The following TECTA variants were observed in gnomAD, a reference collection of about 807,000 sequenced individuals.
TECTA encodes the protein alpha-tectorin.
Under a neutral mutation model 216.8 loss-of-function variants are expected in TECTA, and 128 were observed. That is an observed-to-expected ratio of 0.59 (90% CI 0.51 to 0.68). The LOEUF (loss-of-function observed/expected upper bound fraction) is 0.68. TECTA is among the 30% of genes least tolerant of loss of function. TECTA has a pLI of 0.00. For missense variants in TECTA, 2,551 were observed against 2,786.2 expected, an observed-to-expected ratio of 0.92 and a Z score of 1.90; for synonymous variants, 1,089 against 1,117.1, an observed-to-expected ratio of 0.97 and a Z score of 0.50.
At chr11:121,181,394 A>T (rs921724877) in intron 20 of TECTA, among the ~76,000 whole-genome samples, 1 of 151,574 alleles carries the variant, frequency 6.6e-6, no homozygotes, top group African/African-American at 2.4e-5. Flanking sequence ...CATTATATTG[A>T]ATTCTTTCTC....
chr11:121,134,284 T>G (rs1482793999), intron 10 of TECTA, among the ~76,000 whole-genome samples: 1 of 150,192 alleles, frequency 6.7e-6, no homozygotes, highest in Admixed American at 6.6e-5. Context: ...ATCTTTGCTT[T>G]GCCTCTAGGT....
Position 121,129,961 on chromosome 11 carries a change from CAAT to C in TECTA, c.2692_2694del (p.Asn898del). On this transcript the variant is annotated inframe_deletion, in exon 10 of 24. Transcript: ENST00000392793. ...GTGGGGACCTGCTGAAGGCCTGCAA[CAAT>C]GACTCGGAGCTGCTCAAGTTTTATC... is the stretch of plus-strand genomic sequence containing the variant. The C allele has an allele frequency of 6.2e-7, 1 of 1,606,514 alleles. No homozygotes were observed. Among genetic ancestry groups the C allele is most frequent in the Non-Finnish European group, 8.5e-7 (1 of 1,175,032 alleles).
intron 18 of TECTA, among the ~76,000 whole-genome samples, chr11:121,167,393 C>T (rs531486324): frequency 2.1e-4 from 32 of 152,284 alleles, no homozygotes; most frequent in African/African-American, 6.3e-4. Context: ...GAATGTACCA[C>T]GGCACTCCAT....
chr11:121,123,618 G>A (rs1422723326), intron 7 of TECTA, among the ~76,000 whole-genome samples: 3 of 152,200 alleles, frequency 2.0e-5, no homozygotes, highest in Admixed American at 2.0e-4. Flanking sequence ...GGCTCTCCCT[G>A]CAGAATAGAA....
chr11:121,174,340 C>T (rs1422201863), intron 20 of TECTA, among the ~76,000 whole-genome samples: 1 of 151,188 alleles, frequency 6.6e-6, no homozygotes, highest in Non-Finnish European at 1.5e-5. Flanking sequence ...TCATAGATAG[C>T]TCTTATTATT....
chr11:121,147,086 G>C (rs4936585), intron 12 of TECTA, among the ~76,000 whole-genome samples: 1 of 151,794 alleles, frequency 6.6e-6, no homozygotes, highest in Admixed American at 6.6e-5. Flanking sequence ...TTGTGGGGGT[G>C]GGGGGGAAAC....
At chr11:121,160,634 A>G (rs1946989793) in intron 15 of TECTA, among the ~76,000 whole-genome samples, 1 of 152,194 alleles carries the variant, frequency 6.6e-6, no homozygotes, top group Non-Finnish European at 1.5e-5. Flanking sequence ...GGCTTAGATG[A>G]TATAACTCTA....
intron 12 of TECTA, among the ~76,000 whole-genome samples, chr11:121,149,672 C>G (rs1306746805): frequency 2.0e-5 from 3 of 152,140 alleles, no homozygotes; most frequent in African/African-American, 7.2e-5. Context: ...ATTCCAAAGC[C>G]CCTGTCCATT....
At chr11:121,187,781 G>T (rs778112402) in intron 20 of TECTA, 51 bp from the exon 21 acceptor site, 1 of 1,604,774 alleles carries the variant, frequency 6.2e-7, no homozygotes, top group Non-Finnish European at 8.5e-7. Context: ...GAGGATTAAG[G>T]TGTAAGAGGA....
rs986051481 is a variant in TECTA at position 121,145,861 on chromosome 11, C to A, written c.3850C>A (p.Arg1284Ser). 1 of 1,614,116 alleles carries A rather than the reference C, an allele frequency of 6.2e-7. No homozygotes were observed. The highest frequency in any genetic ancestry group is 8.5e-7 in the Non-Finnish European group (1 of 1,180,046). ...DTFCQVGCGD[R>S]CPSCAKVEGF... ...CTTCTGCCAGGTGGGCTGTGGGGAC[C>A]GCTGTCCGTCCTGTGCCAAGGTGGA... The change falls in exon 12 of 24, where the codon CGC becomes AGC. Residue 1284 changes from arginine (R) to serine (S), a missense_variant. Coordinates refer to ENST00000392793, the MANE Select transcript of TECTA (RefSeq NM_005422.4).
intron 6 of TECTA, 21 bp from the exon 7 acceptor site, chr11:121,118,285 T>C (rs1230837575): frequency 2.5e-6 from 4 of 1,613,790 alleles, no homozygotes; most frequent in Non-Finnish European, 3.4e-6. Flanking sequence ...AAATGTTGGC[T>C]CTAATGTCAT....
At chr11:121,108,867 CAT>C (rs1946416907) in intron 3 of TECTA, among the ~76,000 whole-genome samples, 1 of 149,348 alleles carries the variant, frequency 6.7e-6, no homozygotes, top group Admixed American at 6.7e-5. Context: ...AGTACACACA[CAT>C]GCACATCTCA....
At chr11:121,184,748 A>G (rs987763573) in intron 20 of TECTA, among the ~76,000 whole-genome samples, 1 of 152,162 alleles carries the variant, frequency 6.6e-6, no homozygotes, top group African/African-American at 2.4e-5. Flanking sequence ...GGTGTGGTGA[A>G]TGGCATGGGT....
intron 4 of TECTA, chr11:121,110,278 G>C (rs968615450): frequency 2.6e-5 from 4 of 152,310 alleles, no homozygotes; most frequent in Middle Eastern, 3.4e-3. Context: ...ATCTTCAACT[G>C]TATAATTTCT....
chr11:121,106,490 C>T (rs1025354972), intron 3 of TECTA, among the ~76,000 whole-genome samples: 3 of 152,164 alleles, frequency 2.0e-5, no homozygotes. Context: ...TCGCCCAACC[C>T]ACACTAAGAA....
At position 121,129,301 on chromosome 11, in the gene TECTA, G is replaced by A. The variant is rs1345512705; in HGVS notation, c.2368-337G>A. On this transcript the variant is annotated intron_variant, in intron 9 of 23. Transcript: ENST00000392793. Reference sequence around the variant, plus strand: ...GCCAGAAAGGCAGGGAAGGAGGGGAGCTATTTTGAAAGGTACCAAAACAGA... The same window carrying A: ...GCCAGAAAGGCAGGGAAGGAGGGGAACTATTTTGAAAGGTACCAAAACAGA... Among the ~76,000 whole-genome samples the A allele has an allele frequency of 3.9e-5, 6 of 152,292 alleles. No homozygotes were observed. The East Asian group carries it at 1.2e-3, about 29-fold the overall frequency.
chr11:121,111,519 G>A (rs775396413), intron 4 of TECTA, among the ~76,000 whole-genome samples: 37 of 152,196 alleles, frequency 2.4e-4, no homozygotes, highest in Non-Finnish European at 3.7e-4. Context: ...CGTGCGGGTG[G>A]CAGTCAGCCT....
At chr11:121,154,122 T>C (rs183602246) in intron 13 of TECTA, among the ~76,000 whole-genome samples, 20 of 152,304 alleles carry the variant, frequency 1.3e-4, no homozygotes, top group African/African-American at 4.8e-4. Context: ...ACAGAACTAA[T>C]CAATTTTAAG....
chr11:121,185,655 C>G (rs1311695020), intron 20 of TECTA, among the ~76,000 whole-genome samples: 76 of 77,836 alleles, frequency 9.8e-4, no homozygotes, highest in African/African-American at 4.0e-3. Context: ...GTAGGGAAAG[C>G]AGATGTTCAA....
Sources: allele counts gnomAD v4.1 joint callset (sites outside exome capture counted in the v4.1 genomes callset), GRCh38; gene constraint gnomAD v4.1.1; transcripts MANE v1.5; gene names NCBI Gene and HGNC (gene_info 2026-07-23, HGNC 2026-07-21).